The following POLR1B variants were observed in gnomAD, a reference collection of about 807,000 sequenced individuals.
The protein encoded by POLR1B is RNA polymerase I subunit B.
A neutral mutation model predicts 105.8 loss-of-function variants in POLR1B; 30 were observed. The ratio of observed to expected loss-of-function variants is 0.28; its 90% CI spans 0.21 to 0.38. The LOEUF (loss-of-function observed/expected upper bound fraction) is 0.38, where lower values mean the gene tolerates loss of function less well. POLR1B is among the 10% of genes least tolerant of loss of function. The pLI, the probability that POLR1B is intolerant of heterozygous loss-of-function variation, is 1.00. For synonymous variants in POLR1B, 485 were observed against 505.1 expected, an observed-to-expected ratio of 0.96 and a Z score of 0.53; for missense variants, 976 against 1,435.8, an observed-to-expected ratio of 0.68 and a Z score of 5.17.
At chr2:112,570,681 C>T (rs563056042) in intron 12 of POLR1B, among the ~76,000 whole-genome samples, 23 of 152,142 alleles carry the variant, frequency 1.5e-4, no homozygotes, top group Middle Eastern at 3.4e-3. Flanking sequence ...AATATGGGAT[C>T]ACCATAGTAT....
Position 112,576,122 on chromosome 2 carries a change from A to C in POLR1B, c.*393A>C, listed in dbSNP as rs574886861. The C allele has an allele frequency of 6.0e-6, 1 of 165,892 alleles. No homozygotes were observed. The highest frequency in any genetic ancestry group is 2.4e-5 in the African/African-American group (1 of 41,638). 10.3% of individuals were successfully genotyped at this position (165,892 alleles called of 1,614,324 possible). ...AGAATGCAAGCTGTAATGTAATTTT[A>C]TATTTTCTTATAGCCACGTTGAAGT... On this transcript the variant is annotated 3_prime_UTR_variant, in exon 15 of 15. Coordinates refer to ENST00000263331, the MANE Select transcript of POLR1B (RefSeq NM_019014.6).
At chr2:112,563,619 T>C (rs1165467684) in intron 9 of POLR1B, among the ~76,000 whole-genome samples, 3 of 152,124 alleles carry the variant, frequency 2.0e-5, no homozygotes, top group Admixed American at 1.3e-4. Context: ...CCATTTCTGC[T>C]GGGCACAGTG....
intron 3 of POLR1B, 93 bp from the exon 4 acceptor site, chr2:112,549,174 G>A (rs1166930271): frequency 2.2e-6 from 3 of 1,370,150 alleles, no homozygotes; most frequent in African/African-American, 2.9e-5. Context: ...TTCCTATTCT[G>A]TGTGTTGTAC....
At chr2:112,556,893 A>G (rs1683690436) in intron 7 of POLR1B, among the ~76,000 whole-genome samples, 1 of 152,256 alleles carries the variant, frequency 6.6e-6, no homozygotes, top group Non-Finnish European at 1.5e-5. Flanking sequence ...ATAATGTATA[A>G]TGATCAAATC....
Position 112,574,918 on chromosome 2 carries a change from G to A in POLR1B, c.2597G>A (p.Cys866Tyr), listed in dbSNP as rs748811628. 4.3e-6 allele frequency: 7 copies of A among 1,614,094 alleles called. No homozygotes were observed. In the South Asian group the frequency reaches 5.5e-5, roughly 13 times the overall value. ...SNDTGSGKFK[C>Y]VCITMRVPRN... ...GACACTGGGAGTGGAAAATTCAAGT[G>A]TGTTTGCATCACTATGAGAGTGCCT... The change falls in exon 15 of 15, where the codon TGT (cysteine) becomes TAT (tyrosine). Residue 866 changes from cysteine (C) to tyrosine (Y), a missense_variant. By Grantham distance (194) the Cys-to-Tyr change is radical. Coordinates refer to ENST00000263331, the MANE Select transcript of POLR1B (RefSeq NM_019014.6).
At chr2:112,544,149 G>A (rs1298709443) in intron 1 of POLR1B, among the ~76,000 whole-genome samples, 3 of 151,940 alleles carry the variant, frequency 2.0e-5, no homozygotes, top group African/African-American at 7.3e-5. Context: ...TAAGCCAGTC[G>A]GCTGGGTGTG....
chr2:112,570,481 G>A lies in POLR1B; in HGVS notation c.2074+1579G>A, dbSNP rs537907232. ...GAAGTGAGTCATATGTGATTTTGTCGTAGTGTGAACATCATAGAGTGAACT... is the reference window on the plus strand; with the variant it reads ...GAAGTGAGTCATATGTGATTTTGTCATAGTGTGAACATCATAGAGTGAACT... On this transcript the variant is annotated intron_variant, in intron 12 of 14. Transcript: ENST00000263331. Among the ~76,000 whole-genome samples, 37 of 152,276 alleles carry A rather than the reference G, an allele frequency of 2.4e-4. No homozygotes were observed. The South Asian group carries it at 6.6e-3, about 27-fold the overall frequency.
chr2:112,552,026 T>C (rs761571451), intron 6 of POLR1B, 28 bp downstream of exon 6: 1 of 1,586,188 alleles, frequency 6.3e-7, no homozygotes, highest in South Asian at 1.1e-5. Context: ...AAACTGTTTT[T>C]GGAGGGGCGG....
chr2:112,575,812 G>A lies in POLR1B; in HGVS notation c.*83G>A, dbSNP rs1442523298. ...AATTCAATGAAGATATCATTACCAG[G>A]TTACTCTTGAGATTTTTCAACGGTG... On this transcript the variant is annotated 3_prime_UTR_variant, in exon 15 of 15. Coordinates refer to ENST00000263331, the MANE Select transcript of POLR1B (RefSeq NM_019014.6). The surrounding 1 kb of genome is among the most constrained non-coding windows in gnomAD (Gnocchi z 5.3). 3 of 1,436,840 alleles carry A rather than the reference G, an allele frequency of 2.1e-6. No homozygotes were observed. The African/African-American group carries it at 4.3e-5, about 20-fold the overall frequency. 89.0% of individuals were successfully genotyped at this position (1,436,840 alleles called of 1,614,324 possible). A position where few individuals can be genotyped will look rare whatever the true frequency, so the allele number is the denominator to read the frequency against.
In POLR1B at chr2:112,576,871, A is replaced by G. The variant is rs1015319574; in HGVS notation, c.*1142A>G. On this transcript the variant is annotated 3_prime_UTR_variant, in exon 15 of 15. Transcript: ENST00000263331. ...CCACTGTGCCTGGCCTCCGGTGAGTATTTTATATTTAGTCTACACTTCCAT... is the reference window on the plus strand; with the variant it reads ...CCACTGTGCCTGGCCTCCGGTGAGTGTTTTATATTTAGTCTACACTTCCAT... The G allele has an allele frequency of 1.3e-5, 2 of 152,134 alleles. No homozygotes were observed. The highest frequency in any genetic ancestry group is 2.9e-5 in the Non-Finnish European group (2 of 68,038). 9.4% of individuals were successfully genotyped at this position (152,134 alleles called of 1,614,324 possible). A position where few individuals can be genotyped will look rare whatever the true frequency, so the allele number is the denominator to read the frequency against.
At chr2:112,562,721 T>TTCTTTTC (rs1684055798) in intron 9 of POLR1B, among the ~76,000 whole-genome samples, 1 of 135,860 alleles carries the variant, frequency 7.4e-6, no homozygotes, top group African/African-American at 3.3e-5. Context: ...GACAATTTCT[T>TTCTTTTC]TTTTTTCTTT....
At chr2:112,567,445 T>C (rs997237380) in intron 10 of POLR1B, among the ~76,000 whole-genome samples, 2 of 152,094 alleles carry the variant, frequency 1.3e-5, no homozygotes, top group African/African-American at 2.4e-5. Context: ...AGTGGCATGA[T>C]CATGGCTCAC....
At position 112,550,948 on chromosome 2, in the gene POLR1B, G is replaced by C; in HGVS notation, c.708G>C (p.Leu236Phe). 6.2e-7 allele frequency: 1 copy of C among 1,613,624 alleles called. No individual in the cohort carries two copies. ...LHYLENGTVM[L>F]NFIYRKELFF... Reference sequence around the variant, plus strand: ...ACTTGGAAAATGGCACTGTTATGTTGAACTTTATTTACCGAAAAGAACTGT... The same window carrying C: ...ACTTGGAAAATGGCACTGTTATGTTCAACTTTATTTACCGAAAAGAACTGT... Residue 236 changes from leucine (L) to phenylalanine (F), a missense_variant, in exon 5 of 15, where the codon TTG becomes TTC. This residue lies in a region of POLR1B where 452 missense variants were observed against 616.5 expected (regional missense o/e 0.73). Coordinates refer to ENST00000263331, the MANE Select transcript of POLR1B (RefSeq NM_019014.6).
At chr2:112,570,295 G>T (rs1406633872) in intron 12 of POLR1B, among the ~76,000 whole-genome samples, 1 of 152,078 alleles carries the variant, frequency 6.6e-6, no homozygotes, top group Non-Finnish European at 1.5e-5. Context: ...TGATCTGCCT[G>T]CCTCAGCCTC....
rs542797319 is a variant in POLR1B at position 112,546,266 on chromosome 2, C to T, written c.178-746C>T. Among the ~76,000 whole-genome samples, 11 of 152,306 alleles carry T rather than the reference C, an allele frequency of 7.2e-5. No homozygotes were observed. The East Asian group carries it at 7.7e-4, about 11-fold the overall frequency. On this transcript the variant is annotated intron_variant, in intron 1 of 14. Coordinates refer to ENST00000263331, the MANE Select transcript of POLR1B (RefSeq NM_019014.6). ...TTGCATGGCTCTGGCTTCAGTTTGA[C>T]GTTGCCATTGTACATTAAGCATCTA...
At chr2:112,556,077 C>A (rs1683643595) in intron 7 of POLR1B, among the ~76,000 whole-genome samples, 1 of 152,130 alleles carries the variant, frequency 6.6e-6, no homozygotes, top group Non-Finnish European at 1.5e-5. Context: ...AGATCCAGGG[C>A]TTCTTATTCC....
Position 112,547,104 on chromosome 2 carries a change from G to C in POLR1B, c.270G>C (p.Gly90=), listed in dbSNP as rs920562545. 2 of 1,614,136 alleles carry C rather than the reference G, an allele frequency of 1.2e-6. No homozygotes were observed. Among genetic ancestry groups the C allele is most frequent in the Non-Finnish European group, 1.7e-6 (2 of 1,180,020 alleles). ...AVISPPTVPK[G]TICKEANVYP... ...TCAGTCCACCTACAGTTCCAAAAGG[G>C]ACCATCTGCAAAGAGGCCAATGTTT... is the stretch of plus-strand genomic sequence containing the variant. The change falls in exon 2 of 15, where the codon GGG becomes GGC. Residue 90 remains glycine (G), a synonymous_variant. Coordinates refer to ENST00000263331, the MANE Select transcript of POLR1B (RefSeq NM_019014.6).
chr2:112,567,918 G>A (rs1684382942), intron 10 of POLR1B, 49 bp from the exon 11 acceptor site: 2 of 1,525,514 alleles, frequency 1.3e-6, no homozygotes, highest in African/African-American at 2.7e-5. Context: ...GGCAGCGACA[G>A]CCATGGCCTT....
rs751018182 is a variant in POLR1B at position 112,575,543 on chromosome 2, C to G, written c.3222C>G (p.Gly1074=). 5.6e-6 allele frequency: 9 copies of G among 1,614,150 alleles called. No homozygotes were observed. The highest frequency in any genetic ancestry group is 7.6e-6 in the Non-Finnish European group (9 of 1,180,024). The part of the protein sequence containing the change: ...RSVAHVCVKC[G]SLLSPLLEKP... ...TAGCCCATGTGTGTGTGAAGTGTGG[C>G]AGTTTACTCTCTCCACTGTTGGAGA... Residue 1074 remains glycine, a synonymous_variant, in exon 15 of 15, where the codon GGC becomes GGG. Transcript: ENST00000263331. This position sits in a 1 kb window ranked among gnomAD's most constrained non-coding sequence, Gnocchi z 5.3.
Sources: gnomAD v4.1 joint callset for allele counts (sites outside exome capture counted in the v4.1 genomes callset) on GRCh38, gnomAD v4.1.1 for gene constraint, gnomAD v4.1.1 regional missense constraint, Gnocchi (gnomAD v3.1) non-coding constraint, MANE v1.5 for transcripts, NCBI Gene and HGNC (gene_info 2026-07-23, HGNC 2026-07-21) for gene names.